DET1: variants seen among roughly 807,000 people sequenced by gnomAD.
DET1 encodes DET1 homolog.
In DET1, 22 loss-of-function variants were observed where a neutral mutation model predicts 43.7. That is an observed-to-expected ratio of 0.50 (90% confidence interval 0.36 to 0.72). DET1 has a LOEUF of 0.72. Among genes scored for constraint, DET1 ranks in the 30% least tolerant of loss-of-function variants. The pLI, the probability that DET1 is intolerant of heterozygous loss-of-function variation, is 0.00. For synonymous variants in DET1, 315 were observed against 266.2 expected, an observed-to-expected ratio of 1.18 and a Z score of -1.79; for missense variants, 713 against 713.3, an observed-to-expected ratio of 1.00 and a Z score of 0.00.
intron 7 of DET1, among the ~76,000 whole-genome samples, chr15:88,506,463 T>C (rs1351148039): frequency 1.3e-5 from 2 of 149,212 alleles, no homozygotes; most frequent in Non-Finnish European, 3.0e-5. Context: ...GTTATAGCTA[T>C]AAAGGGTATA....
intron 3 of DET1, among the ~76,000 whole-genome samples, chr15:88,518,365 GA>G (rs2056403703): frequency 6.6e-6 from 1 of 152,028 alleles, no homozygotes; most frequent in Non-Finnish European, 1.5e-5. Flanking sequence ...TATAGAGGAA[GA>G]AAAAATTAAA....
At chr15:88,521,680 C>T (rs2056493316) in intron 3 of DET1, among the ~76,000 whole-genome samples, 1 of 152,000 alleles carries the variant, frequency 6.6e-6, no homozygotes. Flanking sequence ...TTCTAAATTG[C>T]AAATCACCCT....
intron 1 of DET1, among the ~76,000 whole-genome samples, chr15:88,545,916 C>A (rs985316986): frequency 9.9e-5 from 15 of 150,962 alleles, no homozygotes; most frequent in African/African-American, 3.2e-4. Flanking sequence ...CCACAGTCCC[C>A]AAGAATTCAT....
At chr15:88,532,108 C>G (rs976746408) in intron 1 of DET1, among the ~76,000 whole-genome samples, 1 of 152,088 alleles carries the variant, frequency 6.6e-6, no homozygotes, top group Non-Finnish European at 1.5e-5. Context: ...TCAAGCCCAG[C>G]CTGGAAAACA....
intron 1 of DET1, among the ~76,000 whole-genome samples, chr15:88,535,928 C>T (rs1189946805): frequency 6.6e-6 from 1 of 152,082 alleles, no homozygotes; most frequent in Non-Finnish European, 1.5e-5. Flanking sequence ...AGAGACCCCC[C>T]AAATTCAGGA....
At chr15:88,540,192 G>A (rs1396766861) in intron 1 of DET1, among the ~76,000 whole-genome samples, 2 of 152,100 alleles carry the variant, frequency 1.3e-5, no homozygotes, top group Non-Finnish European at 2.9e-5. Flanking sequence ...TTTGAGTCAT[G>A]GAGACACCAA....
At chr15:88,510,760 T>G (rs541055452), downstream of DET1, among the ~76,000 whole-genome samples, 257 of 141,600 alleles carry the variant, frequency 1.8e-3, 4 homozygotes, top group South Asian at 0.04. Flanking sequence ...TGTTGTTTTG[T>G]TTTTTTTTTT....
chr15:88,525,502 T>C (rs1162938752), intron 3 of DET1, among the ~76,000 whole-genome samples: 2 of 152,326 alleles, frequency 1.3e-5, no homozygotes, highest in African/African-American at 4.8e-5. Context: ...ATAACTTCAT[T>C]CATTCAGCAA....
At chr15:88,525,266 A>C (rs1324260877) in intron 3 of DET1, among the ~76,000 whole-genome samples, 1 of 152,204 alleles carries the variant, frequency 6.6e-6, no homozygotes, top group Non-Finnish European at 1.5e-5. Context: ...CAACTGCTTA[A>C]ATTTAGTAGT....
At chr15:88,527,861 T>G in intron 2 of DET1, 75 bp from the exon 3 acceptor site, 3 of 1,198,836 alleles carry the variant, frequency 2.5e-6, no homozygotes, top group South Asian at 6.0e-5. Flanking sequence ...CACTTATTAC[T>G]TGGCTGAAAA....
At chr15:88,537,269 A>G (rs1484970166) in intron 1 of DET1, among the ~76,000 whole-genome samples, 1 of 152,240 alleles carries the variant, frequency 6.6e-6, no homozygotes, top group East Asian at 1.9e-4. Flanking sequence ...AGTTACATGC[A>G]CTGAGTAAAG....
intron 3 of DET1, among the ~76,000 whole-genome samples, chr15:88,518,505 A>T (rs1402607823): frequency 6.6e-6 from 1 of 152,114 alleles, no homozygotes; most frequent in African/African-American, 2.4e-5. Flanking sequence ...AAGAAAACAA[A>T]AACTCACACT....
chr15:88,522,224 G>A (rs553558774), intron 3 of DET1, among the ~76,000 whole-genome samples: 87 of 152,242 alleles, frequency 5.7e-4, no homozygotes, highest in African/African-American at 1.9e-3. Flanking sequence ...GATCTCATGA[G>A]CCAGGACAAG....
chr15:88,528,186 C>T (rs991494955), intron 2 of DET1, among the ~76,000 whole-genome samples: 3 of 152,230 alleles, frequency 2.0e-5, no homozygotes, highest in Non-Finnish European at 4.4e-5. Context: ...AAATAAAAAG[C>T]ACTTCTTAAA....
intron 8 of DET1, chr15:88,503,709 A>T (rs943205612): frequency 6.6e-6 from 1 of 152,224 alleles, no homozygotes; most frequent in African/African-American, 2.4e-5. Context: ...AGCTTAAAGC[A>T]TTTATTGGCC....
chr15:88,528,067 T>C (rs1187164071), intron 2 of DET1, among the ~76,000 whole-genome samples: 3 of 152,236 alleles, frequency 2.0e-5, no homozygotes, highest in African/African-American at 4.8e-5. Flanking sequence ...ATTACTGAGA[T>C]GGCCAGCATA....
Position 88,527,680 on chromosome 15 carries a change from A to T in DET1, c.1190T>A (p.Phe397Tyr), listed in dbSNP as rs1185814035. The change falls in exon 3 of 5, where the codon TTT (phenylalanine) becomes TAT (tyrosine). Residue 397 changes from phenylalanine to tyrosine, a missense_variant. Physicochemically the swap from Phe to Tyr is conservative, Grantham distance 22. Coordinates refer to ENST00000268148, the MANE Select transcript of DET1 (RefSeq NM_001144074.3). ...TTCACTGTGCAGGGTAGCATTACGA[A>T]AAAGGTCACAGAAGTTCTCAAAGAG... is the stretch of plus-strand genomic sequence containing the variant. ...LELFENFCDL[F>Y]RNATLHSEVQ... 1 of 1,613,890 alleles carries T rather than the reference A, an allele frequency of 6.2e-7. No individual in the cohort carries two copies. The highest frequency in any genetic ancestry group is 8.5e-7 in the Non-Finnish European group (1 of 1,179,840).
At chr15:88,510,887 C>T (rs1470734254), downstream of DET1, among the ~76,000 whole-genome samples, 1 of 151,608 alleles carries the variant, frequency 6.6e-6, no homozygotes, top group East Asian at 1.9e-4. Context: ...CATTCTCCTG[C>T]CTCAGCCTCC....
At chr15:88,522,449 C>T (rs1378298278) in intron 3 of DET1, among the ~76,000 whole-genome samples, 2 of 149,878 alleles carry the variant, frequency 1.3e-5, no homozygotes, top group Non-Finnish European at 3.0e-5. Context: ...TGGAGAGTTC[C>T]TCCACTACAT....
Sources: allele counts gnomAD v4.1 joint callset (sites outside exome capture counted in the v4.1 genomes callset), GRCh38; gene constraint gnomAD v4.1.1; transcripts MANE v1.5; gene names NCBI Gene and HGNC (gene_info 2026-07-23, HGNC 2026-07-21).